TNFAIP1: variants seen among roughly 807,000 people sequenced by gnomAD.
The protein encoded by TNFAIP1 is BTB/POZ domain-containing adapter for CUL3-mediated RhoA degradation protein 2.
TNFAIP1 carries 20 observed loss-of-function variants against 32.6 expected under a neutral mutation model. That is an observed-to-expected ratio of 0.61 (90% CI 0.43 to 0.89). The LOEUF is 0.89. Ranked by LOEUF, TNFAIP1 falls within the 40% of genes least tolerant of loss-of-function variation. The pLI is 0.00. For missense variants in TNFAIP1, 319 were observed against 425.1 expected (o/e 0.75, Z 2.20); for synonymous variants, 166 against 166.8 (o/e 1.00, Z 0.04).
chr17:28,343,612 G>T (rs1366460005), intron 6 of TNFAIP1, among the ~76,000 whole-genome samples: 1 of 152,034 alleles, frequency 6.6e-6, no homozygotes, highest in African/African-American at 2.4e-5. Flanking sequence ...GTCTCCAGTG[G>T]CTGGTGATGC....
chr17:28,339,857 A>G, intron 2 of TNFAIP1, 131 bp downstream of exon 2: 1 of 872,476 alleles, frequency 1.1e-6, no homozygotes, highest in Admixed American at 2.8e-5. Flanking sequence ...TCCCTAGTAG[A>G]GCTTCAGAAT....
At chr17:28,341,106 C>G in intron 3 of TNFAIP1, 131 bp from the exon 4 acceptor site, 1 of 911,556 alleles carries the variant, frequency 1.1e-6, no homozygotes, top group South Asian at 1.5e-5. Context: ...TTGTCAGGGG[C>G]CTCATGATCT....
At chr17:28,343,331 T>C (rs1221483531) in intron 6 of TNFAIP1, among the ~76,000 whole-genome samples, 3 of 151,904 alleles carry the variant, frequency 2.0e-5, no homozygotes, top group Non-Finnish European at 2.9e-5. Context: ...CTCCTGTGAG[T>C]GCAGGTCCTG....
chr17:28,341,210 G>A (rs1555578101), intron 3 of TNFAIP1, 27 bp from the exon 4 acceptor site: 2 of 1,613,272 alleles, frequency 1.2e-6, no homozygotes, highest in East Asian at 2.2e-5. Flanking sequence ...AGATCCTAAA[G>A]AGGGTTCTCT....
rs782634273 is a variant in TNFAIP1 at position 28,344,426 on chromosome 17, C to T, written c.777C>T (p.Pro259=). The T allele has an allele frequency of 6.2e-7, 1 of 1,614,020 alleles. No individual in the cohort carries two copies. ...ETLNVLLYET[P]RVPDNSLLEA... ...TCAACGTCCTACTCTATGAGACTCC[C>T]CGCGTCCCCGACAACTCCTTGTTGG... Residue 259 remains proline, a synonymous_variant, in exon 7 of 7, where the codon CCC becomes CCT. Transcript: ENST00000226225.
rs1555577824 is a variant in TNFAIP1, at chr17:28,339,582, A to G, written c.61A>G (p.Lys21Glu). Residue 21 changes from lysine (K) to glutamate (E), a missense_variant, in exon 2 of 7, where the codon AAG becomes GAG. Transcript: ENST00000226225. ...SGAKPKLSGF[K>E]GGGLGNKYVQ... The stretch of plus-strand genomic sequence containing the variant: ...GGCCAAGCCCAAGCTCAGTGGCTTC[A>G]AGGGAGGAGGGTTGGGCAACAAGTA... 6.2e-7 allele frequency: 1 copy of G among 1,613,626 alleles called. No individual in the cohort carries two copies. The highest frequency in any genetic ancestry group is 8.5e-7 in the Non-Finnish European group (1 of 1,179,814).
At position 28,342,446 on chromosome 17, in the gene TNFAIP1, T is replaced by G. The variant is rs1555578321; in HGVS notation, c.714+4T>G. 2 of 1,576,964 alleles carry G rather than the reference T, an allele frequency of 1.3e-6. No homozygotes were observed. Among genetic ancestry groups the G allele is most frequent in the Non-Finnish European group, 1.7e-6 (2 of 1,149,916 alleles). On this transcript the variant is annotated splice_donor_region_variant and intron_variant, in intron 6 of 6. Coordinates refer to ENST00000226225, the MANE Select transcript of TNFAIP1 (RefSeq NM_021137.5). This position sits in a 1 kb window ranked among gnomAD's most constrained non-coding sequence, Gnocchi z 4.0. The stretch of plus-strand genomic sequence containing the variant: ...CACGGAGAAGAAGCAGACCAAGGTG[T>G]GGGGGATTGCCCCTGCCTGGGTAGG...
chr17:28,343,471 A>T (rs1184442949), intron 6 of TNFAIP1, among the ~76,000 whole-genome samples: 2 of 139,884 alleles, frequency 1.4e-5, no homozygotes, highest in African/African-American at 5.4e-5. Flanking sequence ...CAGCTGGGAG[A>T]TCTGCAGAGG....
chr17:28,339,336 G>A (rs1272503664), intron 1 of TNFAIP1, 72 bp from the exon 2 acceptor site: 6 of 500,660 alleles, frequency 1.2e-5, no homozygotes, highest in East Asian at 9.9e-5. Flanking sequence ...GAGTACGGTC[G>A]TGTTTCTGCT....
rs574783731 is a variant in TNFAIP1 at position 28,342,679 on chromosome 17, T to C, written c.714+237T>C. Among the ~76,000 whole-genome samples, 12 of 152,318 alleles carry C rather than the reference T, an allele frequency of 7.9e-5. No homozygotes were observed. The highest frequency in any genetic ancestry group is 2.9e-4 in the African/African-American group (12 of 41,576). On this transcript the variant is annotated intron_variant, in intron 6 of 6. Coordinates refer to ENST00000226225, the MANE Select transcript of TNFAIP1 (RefSeq NM_021137.5). This position sits in a 1 kb window ranked among gnomAD's most constrained non-coding sequence, Gnocchi z 4.0. ...CGTTGACCACCAGGAAGTAGCCTAG[T>C]ACAGTGGGAAGGACTGGGTCTTTGA...
rs1555578070 is a variant in TNFAIP1, at chr17:28,340,960, G to A, written c.376-277G>A. Among the ~76,000 whole-genome samples the A allele has an allele frequency of 1.3e-5, 2 of 152,170 alleles. No individual in the cohort carries two copies. Among genetic ancestry groups the A allele is most frequent in the South Asian group, 4.1e-4 (2 of 4,830 alleles). On this transcript the variant is annotated intron_variant, in intron 3 of 6. Transcript: ENST00000226225. The surrounding 1 kb of genome is among the most constrained non-coding windows in gnomAD (Gnocchi z 4.1). ...AGGTTTCACCATGTTTTCCAGGCTAGTCTCGAACTGCTGGGCTCAAGTGAT... is the reference window on the plus strand; with the variant it reads ...AGGTTTCACCATGTTTTCCAGGCTAATCTCGAACTGCTGGGCTCAAGTGAT...
chr17:28,340,570 G>T lies in TNFAIP1; in HGVS notation c.375+92G>T. The T allele has an allele frequency of 2.1e-6, 3 of 1,450,480 alleles. No homozygotes were observed. The highest frequency in any genetic ancestry group is 2.5e-5 in the South Asian group (2 of 80,232). 89.9% of individuals were successfully genotyped at this position (1,450,480 alleles called of 1,614,324 possible). A position where few individuals can be genotyped will look rare whatever the true frequency, so the allele number is the denominator to read the frequency against. ...AGGACTCTGGTTCCTGGCAGGTTGTGTGGGAGGCGTGGTTGATGAGTGCAA... is the reference window on the plus strand; with the variant it reads ...AGGACTCTGGTTCCTGGCAGGTTGTTTGGGAGGCGTGGTTGATGAGTGCAA... On this transcript the variant is annotated intron_variant, in intron 3 of 6. Transcript: ENST00000226225. The surrounding 1 kb of genome is among the most constrained non-coding windows in gnomAD (Gnocchi z 4.1).
At position 28,342,969 on chromosome 17, in the gene TNFAIP1, G is replaced by A. The variant is rs1907419903; in HGVS notation, c.714+527G>A. Reference sequence around the variant, plus strand: ...GTGGGCACAGCACTTGAGCCCAGGAGTTCAAGACCACCCTGGACAACATGG... The same window carrying A: ...GTGGGCACAGCACTTGAGCCCAGGAATTCAAGACCACCCTGGACAACATGG... On this transcript the variant is annotated intron_variant, in intron 6 of 6. Coordinates refer to ENST00000226225, the MANE Select transcript of TNFAIP1 (RefSeq NM_021137.5). This position sits in a 1 kb window ranked among gnomAD's most constrained non-coding sequence, Gnocchi z 4.0. 6.6e-6 allele frequency among the ~76,000 whole-genome samples: 1 copy of A among 152,130 alleles called. No individual in the cohort carries two copies. Among genetic ancestry groups the A allele is most frequent in the South Asian group, 2.1e-4 (1 of 4,832 alleles).
In TNFAIP1 at chr17:28,340,597, C is replaced by A; in HGVS notation, c.375+119C>A. ...GGGAGGCGTGGTTGATGAGTGCAAA[C>A]CTAATGAGACAAGTGAGATGCCACC... On this transcript the variant is annotated intron_variant, in intron 3 of 6. Coordinates refer to ENST00000226225, the MANE Select transcript of TNFAIP1 (RefSeq NM_021137.5). The surrounding 1 kb of genome is among the most constrained non-coding windows in gnomAD (Gnocchi z 4.1). 3.4e-6 allele frequency: 4 copies of A among 1,187,260 alleles called. No individual in the cohort carries two copies. Among genetic ancestry groups the A allele is most frequent in the Non-Finnish European group, 4.7e-6 (4 of 846,548 alleles). The allele number at this position is 1,187,260 out of a possible 1,614,324, so 73.5% of individuals were successfully genotyped here. A position where few individuals can be genotyped will look rare whatever the true frequency, so the allele number is the denominator to read the frequency against.
In TNFAIP1 at chr17:28,342,165, G is replaced by A; in HGVS notation, c.519-82G>A. 2.4e-6 allele frequency: 3 copies of A among 1,252,014 alleles called. No homozygotes were observed. The highest frequency in any genetic ancestry group is 3.3e-6 in the Non-Finnish European group (3 of 919,400). The allele number at this position is 1,252,014 out of a possible 1,614,324, so 77.6% of individuals were successfully genotyped here. ...GCAGGACAGGATGGGGGAAGGGAGGGAGGGGAGGGCCCCACTTGTCTAGCA... is the reference window on the plus strand; with the variant it reads ...GCAGGACAGGATGGGGGAAGGGAGGAAGGGGAGGGCCCCACTTGTCTAGCA... On this transcript the variant is annotated intron_variant, in intron 5 of 6. Coordinates refer to ENST00000226225, the MANE Select transcript of TNFAIP1 (RefSeq NM_021137.5). The surrounding 1 kb of genome is among the most constrained non-coding windows in gnomAD (Gnocchi z 4.0).
In TNFAIP1 at chr17:28,344,897, C is replaced by G. The variant is rs1907495207; in HGVS notation, c.*297C>G. The G allele has an allele frequency of 1.6e-5, 7 of 425,390 alleles. No homozygotes were observed. The highest frequency in any genetic ancestry group is 2.9e-5 in the Non-Finnish European group (7 of 241,208). The allele number at this position is 425,390 out of a possible 1,614,324, so 26.4% of individuals were successfully genotyped here. A position where few individuals can be genotyped will look rare whatever the true frequency, so the allele number is the denominator to read the frequency against. ...GACTGACCCACCTCCTGCTGAGAAC[C>G]TTCCCCTAGGCCCTGTGCAGAAGGC... is the stretch of plus-strand genomic sequence containing the variant. On this transcript the variant is annotated 3_prime_UTR_variant, in exon 7 of 7. Coordinates refer to ENST00000226225, the MANE Select transcript of TNFAIP1 (RefSeq NM_021137.5).
At chr17:28,343,245 G>T (rs1312671508) in intron 6 of TNFAIP1, among the ~76,000 whole-genome samples, 1 of 152,194 alleles carries the variant, frequency 6.6e-6, no homozygotes, top group Non-Finnish European at 1.5e-5. Flanking sequence ...GGAGGCATTT[G>T]ATAGGTGACA....
chr17:28,339,208 A>G (rs1469196661), intron 1 of TNFAIP1, among the ~76,000 whole-genome samples, 200 bp from the exon 2 acceptor site: 1 of 150,186 alleles, frequency 6.7e-6, no homozygotes, highest in Non-Finnish European at 1.5e-5. Flanking sequence ...ACTGCACTCC[A>G]GCCTGGGTGA....
chr17:28,345,755 A>G lies in TNFAIP1; in HGVS notation c.*1155A>G, dbSNP rs1907532929. The G allele has an allele frequency of 6.6e-6, 1 of 152,282 alleles. No individual in the cohort carries two copies. The highest frequency in any genetic ancestry group is 2.4e-5 in the African/African-American group (1 of 41,452). The allele number at this position is 152,282 out of a possible 1,614,324, so 9.4% of individuals were successfully genotyped here. ...GCTGGCTGGGATGGCGGTTCTGCCC[A>G]GTGGTGTCTCTGAGCGCGGGATGAC... is the stretch of plus-strand genomic sequence containing the variant. On this transcript the variant is annotated 3_prime_UTR_variant, in exon 7 of 7. Transcript: ENST00000226225.
Sources: allele counts gnomAD v4.1 joint callset (sites outside exome capture counted in the v4.1 genomes callset), GRCh38; gene constraint gnomAD v4.1.1; non-coding constraint Gnocchi (gnomAD v3.1); transcripts MANE v1.5; gene names NCBI Gene and HGNC (gene_info 2026-07-23, HGNC 2026-07-21).